Variants in GPHN observed in about 807,000 individuals in gnomAD.
GPHN encodes the protein gephyrin.
In GPHN, 17 loss-of-function variants were observed where a neutral mutation model predicts 95.5. The ratio of observed to expected loss-of-function variants is 0.18; its 90% CI spans 0.12 to 0.27. The LOEUF (loss-of-function observed/expected upper bound fraction) is 0.27, where lower values mean the gene tolerates loss of function less well. Among genes scored for constraint, GPHN ranks in the 10% least tolerant of loss-of-function variants. The probability of loss-of-function intolerance (pLI) is 1.00; values close to 1 mark genes in which losing one functional copy is unlikely to be tolerated. For missense variants in GPHN, 660 were observed against 978.1 expected (o/e 0.67, Z 4.34); for synonymous variants, 320 against 322.5 (o/e 0.99, Z 0.08).
At chr14:67,105,861 A>C (rs1428261002) in intron 13 of GPHN, among the ~76,000 whole-genome samples, 1 of 152,032 alleles carries the variant, frequency 6.6e-6, no homozygotes, top group South Asian at 2.1e-4. Flanking sequence ...GACTCCTGTC[A>C]TTTCATTGTT....
At chr14:67,594,381 G>C in the GPHN span, among the ~76,000 whole-genome samples, 2 of 152,196 alleles carry the variant, frequency 1.3e-5, no homozygotes, top group Non-Finnish European at 2.9e-5. Flanking sequence ...GAGTGAGGTG[G>C]CTCACGCCTG....
chr14:67,074,172 C>T (rs996718330), intron 11 of GPHN, among the ~76,000 whole-genome samples: 5 of 148,144 alleles, frequency 3.4e-5, no homozygotes, highest in African/African-American at 1.3e-4. Context: ...ACTTTATTGA[C>T]TTTGCAGATA....
At chr14:67,192,817 T>C in the GPHN span, among the ~76,000 whole-genome samples, 2 of 147,012 alleles carry the variant, frequency 1.4e-5, no homozygotes, top group Non-Finnish European at 3.0e-5. Context: ...TATAGATATC[T>C]ATATGTACAG....
chr14:66,890,674 A>C (rs1567065790), intron 5 of GPHN, among the ~76,000 whole-genome samples: 1 of 152,066 alleles, frequency 6.6e-6, no homozygotes, highest in Non-Finnish European at 1.5e-5. Context: ...AAAATGCTCA[A>C]AAAAAACCCC....
intron 2 of GPHN, among the ~76,000 whole-genome samples, chr14:66,749,635 G>A (rs1331970020): frequency 6.6e-6 from 1 of 151,690 alleles, no homozygotes; most frequent in Non-Finnish European, 1.5e-5. Flanking sequence ...TGTCATCTGT[G>A]TATCTTCTTT....
rs2061664851 is a variant in GPHN at position 66,833,539 on chromosome 14, G to C, written c.294+8973G>C. Among the ~76,000 whole-genome samples, 4 of 152,006 alleles carry C rather than the reference G, an allele frequency of 2.6e-5. No homozygotes were observed. The South Asian group carries it at 8.3e-4, about 32-fold the overall frequency. ...AGTCTCCTATCAGCCAGTATAGACAGTAAAATCATGCTTTCAGGACTTTCT... is the reference window on the plus strand; with the variant it reads ...AGTCTCCTATCAGCCAGTATAGACACTAAAATCATGCTTTCAGGACTTTCT... On this transcript the variant is annotated intron_variant, in intron 4 of 22. Coordinates refer to ENST00000478722, the MANE Select transcript of GPHN (RefSeq NM_020806.5).
the GPHN span, chr14:67,573,254 T>C: frequency 6.7e-7 from 1 of 1,489,126 alleles, no homozygotes. This position sits in a 1 kb window ranked among gnomAD's most constrained non-coding sequence, Gnocchi z 4.8. Context: ...CCTTTCTTCA[T>C]CTACACCCTT....
chr14:66,608,011 A>T, intron 1 of GPHN, among the ~76,000 whole-genome samples: 1 of 140,044 alleles, frequency 7.1e-6, no homozygotes, highest in Non-Finnish European at 1.6e-5. Context: ...TCTGATCTTA[A>T]TTATTTCTTT....
the GPHN span, among the ~76,000 whole-genome samples, chr14:67,249,061 C>T: frequency 6.6e-6 from 1 of 151,998 alleles, no homozygotes; most frequent in Admixed American, 6.6e-5. Flanking sequence ...CTCCCGGGTT[C>T]AAGTTATTTT....
intron 1 of GPHN, among the ~76,000 whole-genome samples, chr14:66,626,164 C>T (rs1274306300): frequency 1.1e-4 from 16 of 152,132 alleles, no homozygotes; most frequent in Non-Finnish European, 1.9e-4. Context: ...CCTCTACCAT[C>T]TATTATGCTT....
chr14:66,789,532 G>A (rs899546182), intron 3 of GPHN, among the ~76,000 whole-genome samples: 1 of 152,298 alleles, frequency 6.6e-6, no homozygotes, highest in Non-Finnish European at 1.5e-5. Flanking sequence ...TGATCCCTTG[G>A]AGGAACAGGG....
chr14:66,511,276 A>G (rs1312106414), intron 1 of GPHN, among the ~76,000 whole-genome samples: 2 of 152,178 alleles, frequency 1.3e-5, no homozygotes, highest in South Asian at 2.1e-4. Context: ...CAGTTTTACT[A>G]TGTAGAATTA....
chr14:66,707,422 G>A (rs949194612), intron 2 of GPHN, among the ~76,000 whole-genome samples: 43 of 152,034 alleles, frequency 2.8e-4, no homozygotes, highest in African/African-American at 9.2e-4. Flanking sequence ...CCAAATGCCC[G>A]TCAGTGATAG....
chr14:67,722,491 A>G, the GPHN span: 5,666 of 771,534 alleles, frequency 7.3e-3, 228 homozygotes, highest in East Asian at 0.092. Context: ...GGCTCTGCTC[A>G]GAGTCAGGCT....
the GPHN span, among the ~76,000 whole-genome samples, chr14:67,193,804 G>T: frequency 2.0e-5 from 3 of 148,828 alleles, no homozygotes; most frequent in African/African-American, 7.4e-5. Flanking sequence ...AATTAGCTGG[G>T]TATGGTAGCG....
chr14:67,437,787 G>C, the GPHN span, among the ~76,000 whole-genome samples: 1 of 152,086 alleles, frequency 6.6e-6, no homozygotes, highest in Non-Finnish European at 1.5e-5. Flanking sequence ...ACCCAAAGAC[G>C]GGTGGTACCA....
At chr14:66,834,242 A>G (rs1402827672) in intron 4 of GPHN, among the ~76,000 whole-genome samples, 6 of 151,978 alleles carry the variant, frequency 3.9e-5, no homozygotes, top group Admixed American at 2.6e-4. Flanking sequence ...TTTGCATTTA[A>G]TTTTTCTACC....
intron 2 of GPHN, among the ~76,000 whole-genome samples, chr14:66,718,478 G>C (rs951642259): frequency 3.3e-5 from 5 of 152,126 alleles, no homozygotes; most frequent in African/African-American, 7.2e-5. Flanking sequence ...AAGATTTACT[G>C]TGAAGAGCAA....
chr14:67,323,653 G>C, the GPHN span: 1 of 679,696 alleles, frequency 1.5e-6, no homozygotes, highest in Non-Finnish European at 2.4e-6. Context: ...TTATTAGGAA[G>C]TAATTAAATG....
Sources: allele counts gnomAD v4.1 joint callset (sites outside exome capture counted in the v4.1 genomes callset), GRCh38; gene constraint gnomAD v4.1.1; non-coding constraint Gnocchi (gnomAD v3.1); transcripts MANE v1.5; gene names NCBI Gene and HGNC (gene_info 2026-07-23, HGNC 2026-07-21).